The following TM2D3 variants were observed in gnomAD, a reference collection of about 807,000 sequenced individuals.
TM2D3 encodes the protein TM2 domain-containing protein 3.
TM2D3 carries 33 observed loss-of-function variants against 27.3 expected under a neutral mutation model. The observed-to-expected ratio is 1.21, with a 90% CI of 0.92 to 1.61. The LOEUF is 1.61. Among genes scored for constraint, TM2D3 ranks in the 40% most tolerant of loss-of-function variants. The pLI, the probability that TM2D3 is intolerant of heterozygous loss-of-function variation, is 0.00. For missense variants in TM2D3, 364 were observed against 320.8 expected, an observed-to-expected ratio of 1.13 and a Z score of -1.03; for synonymous variants, 138 against 122.2, an observed-to-expected ratio of 1.13 and a Z score of -0.85.
Position 101,642,382 on chromosome 15 carries a change from A to G in TM2D3, c.*97T>C. 7.1e-7 allele frequency: 1 copy of G among 1,404,764 alleles called. No homozygotes were observed. Among genetic ancestry groups the G allele is most frequent in the Non-Finnish European group, 9.3e-7 (1 of 1,073,540 alleles). 87.0% of individuals were successfully genotyped at this position (1,404,764 alleles called of 1,614,324 possible). On this transcript the variant is annotated 3_prime_UTR_variant, in exon 6 of 6. Coordinates refer to ENST00000333202, the MANE Select transcript of TM2D3 (RefSeq NM_078474.3). ...GGCAAACAAAGTACAGATGCTGTACATTAAAAACATAGAAATATATCACTC... is the reference window on the plus strand; with the variant it reads ...GGCAAACAAAGTACAGATGCTGTACGTTAAAAACATAGAAATATATCACTC...
chr15:101,648,785 G>A (rs1896888118), intron 3 of TM2D3, among the ~76,000 whole-genome samples: 2 of 152,324 alleles, frequency 1.3e-5, no homozygotes, highest in East Asian at 1.9e-4. Flanking sequence ...GCAGTTCTTA[G>A]ACATTTCACT....
At chr15:101,641,348 G>T (rs1344675580), downstream of TM2D3, among the ~76,000 whole-genome samples, 1 of 152,088 alleles carries the variant, frequency 6.6e-6, no homozygotes, top group Non-Finnish European at 1.5e-5. Flanking sequence ...ATGGGGATGC[G>T]CCACCTAGCG....
At chr15:101,639,446 G>A (rs907521877), downstream of TM2D3, among the ~76,000 whole-genome samples, 1 of 150,726 alleles carries the variant, frequency 6.6e-6, no homozygotes, top group Admixed American at 6.6e-5. Context: ...CTTTTTCAAT[G>A]TTGTATTTGA....
At chr15:101,645,861 G>C (rs1490952566) in intron 4 of TM2D3, 2 of 149,308 alleles carry the variant, frequency 1.3e-5, no homozygotes, top group Non-Finnish European at 3.0e-5. Context: ...GGACAGCACA[G>C]GTAATATCCA....
rs1438170479 is a variant in TM2D3, at chr15:101,651,984, T to TG, written c.92-212dup. ...CAGCCGGCAACGAGGGACCGAAGGA[T>TG]GACATCGCGCTCCAGTTCCGCCTCC... On this transcript the variant is annotated intron_variant, in intron 1 of 5. Coordinates refer to ENST00000333202, the MANE Select transcript of TM2D3 (RefSeq NM_078474.3). 3 of 599,628 alleles carry TG rather than the reference T, an allele frequency of 5.0e-6. No homozygotes were observed. In the African/African-American group the frequency reaches 5.7e-5, roughly 11 times the overall value. 37.1% of individuals were successfully genotyped at this position (599,628 alleles called of 1,614,324 possible).
downstream of TM2D3, among the ~76,000 whole-genome samples, chr15:101,639,940 C>G (rs1044499571): frequency 6.6e-6 from 1 of 151,954 alleles, no homozygotes; most frequent in Admixed American, 6.6e-5. Flanking sequence ...AGCACCTTCC[C>G]GTGAGGCATT....
At chr15:101,651,806 CGTT>C (rs762011153) in intron 1 of TM2D3, 33 bp from the exon 2 acceptor site, 4 of 1,609,664 alleles carry the variant, frequency 2.5e-6, no homozygotes, top group Non-Finnish European at 3.4e-6. Flanking sequence ...TAGAGAAACA[CGTT>C]ATCCCGGGAC....
At chr15:101,643,295 A>T (rs971548508) in intron 5 of TM2D3, among the ~76,000 whole-genome samples, 2 of 152,156 alleles carry the variant, frequency 1.3e-5, no homozygotes, top group Non-Finnish European at 2.9e-5. Context: ...ATCTCATTAC[A>T]GTGATGATTT....
chr15:101,651,619 A>G (rs1358398885), intron 2 of TM2D3, 77 bp downstream of exon 2: 1 of 1,406,698 alleles, frequency 7.1e-7, no homozygotes. Context: ...CGTATACTAA[A>G]GGGAATTTTT....
downstream of TM2D3, among the ~76,000 whole-genome samples, chr15:101,638,246 CCT>C (rs1011324198): frequency 1.3e-5 from 2 of 151,002 alleles, no homozygotes; most frequent in Admixed American, 6.6e-5. Flanking sequence ...GATATAGATA[CCT>C]CTCTTTCTCC....
At chr15:101,638,483 G>A (rs1896598203), downstream of TM2D3, among the ~76,000 whole-genome samples, 1 of 152,024 alleles carries the variant, frequency 6.6e-6, no homozygotes, top group African/African-American at 2.4e-5. Context: ...TTTTAGTAGA[G>A]ACGGGGGTTT....
rs754640606 is a variant in TM2D3 at position 101,642,546 on chromosome 15, G to A, written c.677C>T (p.Thr226Met). 17 of 1,613,250 alleles carry A rather than the reference G, an allele frequency of 1.1e-5. No homozygotes were observed. The African/African-American group carries it at 1.3e-4, about 13-fold the overall frequency. ...TCCAATGAGCAGGACGTCTATCAGC[G>A]TCCATATTCCCAGGCCACCGAAGCT... The part of the protein sequence containing the change: ...LFSFGGLGIW[T>M]LIDVLLIGVG... The change falls in exon 6 of 6, where the codon ACG becomes ATG. Residue 226 changes from threonine (T) to methionine (M), a missense_variant. By Grantham distance (81) the Thr-to-Met change is moderately conservative (BLOSUM62 -1). Coordinates refer to ENST00000333202, the MANE Select transcript of TM2D3 (RefSeq NM_078474.3).
intron 4 of TM2D3, 102 bp from the exon 5 acceptor site, chr15:101,645,264 C>A: frequency 1.0e-6 from 1 of 969,950 alleles, no homozygotes; most frequent in Admixed American, 2.5e-5. Flanking sequence ...GAAAAGTCAA[C>A]TCTCTTTACG....
At chr15:101,638,570 T>A (rs1596259748), downstream of TM2D3, among the ~76,000 whole-genome samples, 2 of 152,140 alleles carry the variant, frequency 1.3e-5, no homozygotes, top group East Asian at 3.9e-4. Context: ...AGTGCTGGGA[T>A]TGCAGGTGTG....
chr15:101,636,427 A>G (rs1050623375), intron 4 of TM2D3: 1 of 152,022 alleles, frequency 6.6e-6, no homozygotes, highest in African/African-American at 2.4e-5. Context: ...TGAAACAAAA[A>G]CTCTTGACTG....
At chr15:101,645,774 T>C (rs1322717855) in intron 4 of TM2D3, 1 of 151,496 alleles carries the variant, frequency 6.6e-6, no homozygotes, top group Non-Finnish European at 1.5e-5. Flanking sequence ...CCAGTAATTA[T>C]ATTTTTAAAG....
Position 101,644,004 on chromosome 15 carries a change from G to T in TM2D3, c.578+1083C>A, listed in dbSNP as rs190153827. ...AGCTGGAACCACAGACATGAACCACGATGGCAGGCTTTTGTATTTTTGGTA... is the reference window on the plus strand; with the variant it reads ...AGCTGGAACCACAGACATGAACCACTATGGCAGGCTTTTGTATTTTTGGTA... On this transcript the variant is annotated intron_variant, in intron 5 of 5. Transcript: ENST00000333202. 1.3e-5 allele frequency among the ~76,000 whole-genome samples: 2 copies of T among 152,032 alleles called. 1 individual carries two copies. The highest frequency in any genetic ancestry group is 6.8e-3 in the Middle Eastern group (2 of 294).
At chr15:101,643,905 A>C (rs973843005) in intron 5 of TM2D3, among the ~76,000 whole-genome samples, 2 of 152,200 alleles carry the variant, frequency 1.3e-5, no homozygotes, top group African/African-American at 4.8e-5. Context: ...GCTGGAGTGC[A>C]GTGGTGCAAT....
At position 101,649,988 on chromosome 15, in the gene TM2D3, A is replaced by G. The variant is rs377531006; in HGVS notation, c.327+16T>C. The G allele has an allele frequency of 6.2e-7, 1 of 1,606,488 alleles. No individual in the cohort carries two copies. The highest frequency in any genetic ancestry group is 1.3e-5 in the African/African-American group (1 of 74,498). On this transcript the variant is annotated intron_variant, in intron 3 of 5. Transcript: ENST00000333202. ...TACAATGAATTTATTTAGAATAAGT[A>G]AGCTGCAGTACTTACAACACAGGTA...
Sources: allele counts gnomAD v4.1 joint callset (sites outside exome capture counted in the v4.1 genomes callset), GRCh38; gene constraint gnomAD v4.1.1; transcripts MANE v1.5; gene names NCBI Gene and HGNC (gene_info 2026-07-23, HGNC 2026-07-21).